TRIM22: variants seen among roughly 807,000 people sequenced by gnomAD.
TRIM22 encodes E3 ubiquitin-protein ligase TRIM22.
A neutral mutation model predicts 53.6 loss-of-function variants in TRIM22; 45 were observed. That is an observed-to-expected ratio of 0.84 (90% CI 0.66 to 1.08). The LOEUF (loss-of-function observed/expected upper bound fraction) is 1.08. Ranked by LOEUF, TRIM22 falls within the 50% of genes least tolerant of loss-of-function variation. The pLI is 0.00. For synonymous variants in TRIM22, 225 were observed against 216.6 expected (o/e 1.04, Z -0.34); for missense variants, 616 against 590.9 (o/e 1.04, Z -0.44).
chr11:5,704,270 G>A (rs898587975), intron 4 of TRIM22, among the ~76,000 whole-genome samples: 5 of 145,596 alleles, frequency 3.4e-5, no homozygotes, highest in African/African-American at 1.3e-4. Context: ...TTTCTTTATT[G>A]CACTTGATAA....
rs1853160276 is a variant in TRIM22, at chr11:5,690,756, A to G, written c.-67+857A>G. On this transcript the variant is annotated intron_variant, in intron 1 of 7. Transcript: ENST00000379965. ...AATTTTCTTTTATTCAGAGGCAGCA[A>G]ATTCCTTCCTCCTTTCTCCCGAAGA... Among the ~76,000 whole-genome samples the G allele has an allele frequency of 1.3e-5, 2 of 152,154 alleles. 1 individual carries two copies. Among genetic ancestry groups the G allele is most frequent in the South Asian group, 4.1e-4 (2 of 4,828 alleles).
rs555729975 is a variant in TRIM22, at chr11:5,695,881, T to C, written c.-66-286T>C. 1.8e-3 allele frequency among the ~76,000 whole-genome samples: 277 copies of C among 152,228 alleles called. 1 individual carries two copies. The highest frequency in any genetic ancestry group is 6.1e-3 in the African/African-American group (252 of 41,518). On this transcript the variant is annotated intron_variant, in intron 1 of 7. Transcript: ENST00000379965. ...AACAAAAGGCAGGACAAATGATGGGTTACACGAAGCTCTTGGTAGAAGAGC... is the reference window on the plus strand; with the variant it reads ...AACAAAAGGCAGGACAAATGATGGGCTACACGAAGCTCTTGGTAGAAGAGC...
rs752664155 is a variant in TRIM22, at chr11:5,696,295, C to T, written c.63C>T (p.Leu21=). Residue 21 remains leucine (L), a synonymous_variant, in exon 2 of 8, where the codon CTC becomes CTT. Coordinates refer to ENST00000379965, the MANE Select transcript of TRIM22 (RefSeq NM_006074.5). ...TGACCTGCCCCATCTGCCTGGAGCT[C>T]CTGACAGAACCTCTGAGCCTAGATT... ...KEVTCPICLE[L]LTEPLSLDCG... is the part of the protein sequence containing the mutation. 6.2e-7 allele frequency: 1 copy of T among 1,614,128 alleles called. No homozygotes were observed. The highest frequency in any genetic ancestry group is 8.5e-7 in the Non-Finnish European group (1 of 1,179,990).
Position 5,696,548 on chromosome 11 carries a change from A to T in TRIM22, c.316A>T (p.Ile106Phe), listed in dbSNP as rs780538907. Residue 106 changes from isoleucine to phenylalanine, a missense_variant, in exon 2 of 8, where the codon ATC (isoleucine) becomes TTC (phenylalanine). Coordinates refer to ENST00000379965, the MANE Select transcript of TRIM22 (RefSeq NM_006074.5). The part of the protein sequence containing the change: ...VCEHHGKKLQ[I>F]FCKEDGKVIC... ...TGAGCACCATGGAAAAAAACTCCAG[A>T]TCTTCTGTAAGGAGGATGGAAAAGT... 1.2e-6 allele frequency: 2 copies of T among 1,614,236 alleles called. No homozygotes were observed. The highest frequency in any genetic ancestry group is 1.7e-6 in the Non-Finnish European group (2 of 1,180,038).
chr11:5,691,084 T>C (rs1313192300), intron 1 of TRIM22: 1 of 152,294 alleles, frequency 6.6e-6, no homozygotes, highest in African/African-American at 2.4e-5. Flanking sequence ...TCTCTGAAGG[T>C]CCAGTCACAG....
At chr11:5,699,976 T>C (rs1201683169) in intron 4 of TRIM22, among the ~76,000 whole-genome samples, 1 of 152,068 alleles carries the variant, frequency 6.6e-6, no homozygotes, top group African/African-American at 2.4e-5. Flanking sequence ...TTTAATCTTG[T>C]ATATTGCAAC....
intron 4 of TRIM22, among the ~76,000 whole-genome samples, chr11:5,699,062 A>G (rs1350127298): frequency 6.6e-6 from 1 of 152,222 alleles, no homozygotes. Flanking sequence ...CTTATTGCTA[A>G]TACTATTCCA....
intron 1 of TRIM22, among the ~76,000 whole-genome samples, chr11:5,695,250 G>C (rs1307049132): frequency 1.3e-5 from 2 of 152,186 alleles, no homozygotes; most frequent in Non-Finnish European, 2.9e-5. Flanking sequence ...GTCCTTCTAA[G>C]AAGAGGACTT....
At chr11:5,698,115 C>G (rs1421268174) in intron 3 of TRIM22, 200 bp from the exon 4 acceptor site, 1 of 552,114 alleles carries the variant, frequency 1.8e-6, no homozygotes, top group African/African-American at 1.9e-5. Flanking sequence ...ATAAAACTGA[C>G]TTGAGTGTAT....
chr11:5,692,105 G>A (rs1234989113), intron 1 of TRIM22, among the ~76,000 whole-genome samples: 1 of 152,160 alleles, frequency 6.6e-6, no homozygotes. Context: ...TAGGGAAAAG[G>A]AAGTAAACAC....
rs762129848 is a variant in TRIM22, at chr11:5,698,447, G to A, written c.652G>A (p.Ala218Thr). Residue 218 changes from alanine (A) to threonine (T), a missense_variant, in exon 4 of 8, where the codon GCA (alanine) becomes ACA (threonine). Ala to Thr is a moderately conservative substitution (Grantham distance 58). Transcript: ENST00000379965. ...GGTGAATGTGCTGGATAACCTGGCA[G>A]CAGCTACAGACCAGCTGGTCCAGCA... ...GEVNVLDNLA[A>T]ATDQLVQQRQ... 6.2e-7 allele frequency: 1 copy of A among 1,614,176 alleles called. No homozygotes were observed. The highest frequency in any genetic ancestry group is 8.5e-7 in the Non-Finnish European group (1 of 1,180,026).
At position 5,709,410 on chromosome 11, in the gene TRIM22, C is replaced by T; in HGVS notation, c.1259C>T (p.Ala420Val). Reference sequence around the variant, plus strand: ...TTACAGAATACATGTGAATATAATGCTTTTGAGGACTCCTCCTCTTCTGAT... The same window carrying T: ...TTACAGAATACATGTGAATATAATGTTTTTGAGGACTCCTCCTCTTCTGAT... ...IGLQNTCEYNAFEDSSSSDPK... is the reference protein window; with the variant it reads ...IGLQNTCEYNVFEDSSSSDPK... Residue 420 changes from alanine (A) to valine (V), a missense_variant, in exon 8 of 8, where the codon GCT (alanine) becomes GTT (valine). Physicochemically the swap from Ala to Val is moderately conservative, Grantham distance 64. Transcript: ENST00000379965. 1 of 1,614,152 alleles carries T rather than the reference C, an allele frequency of 6.2e-7. No individual in the cohort carries two copies. The highest frequency in any genetic ancestry group is 8.5e-7 in the Non-Finnish European group (1 of 1,180,014).
In TRIM22 at chr11:5,709,073, GGC is replaced by G; in HGVS notation, c.923_924del (p.Gly308GlufsTer24). 1 of 1,613,292 alleles carries G rather than the reference GGC, an allele frequency of 6.2e-7. No homozygotes were observed. The highest frequency in any genetic ancestry group is 1.1e-5 in the South Asian group (1 of 91,074). ...TACAGTGGACGTGATGCTGAATCCA[GGC>G]AGTGCCACTTCGAATGTTGCTATTT... The part of the protein sequence containing the change: ...YYWVDVMLNP[G>X]SATSNVAISV... On this transcript the variant is annotated frameshift_variant, in exon 8 of 8. Transcript: ENST00000379965. LOFTEE classifies it high-confidence loss of function.
At chr11:5,702,765 G>T (rs1590318043) in intron 4 of TRIM22, among the ~76,000 whole-genome samples, 1 of 152,160 alleles carries the variant, frequency 6.6e-6, no homozygotes, top group East Asian at 1.9e-4. Context: ...CTTTTTCAGT[G>T]CTCTTTCTCT....
At chr11:5,699,041 A>G (rs1590315142) in intron 4 of TRIM22, among the ~76,000 whole-genome samples, 1 of 152,234 alleles carries the variant, frequency 6.6e-6, no homozygotes, top group East Asian at 1.9e-4. Context: ...AGTATGTATC[A>G]GCATTTTGCT....
intron 4 of TRIM22, among the ~76,000 whole-genome samples, chr11:5,702,325 T>C (rs1853387598): frequency 6.9e-6 from 1 of 145,270 alleles, no homozygotes; most frequent in East Asian, 2.0e-4. Context: ...ATAATATAAC[T>C]AATATAACTA....
chr11:5,699,301 G>A (rs1428074282), intron 4 of TRIM22, among the ~76,000 whole-genome samples: 2 of 127,836 alleles, frequency 1.6e-5, no homozygotes, highest in Admixed American at 1.5e-4. Context: ...GAGGCGGGTG[G>A]ATCATGAGGT....
chr11:5,697,966 G>A (rs539473336), intron 3 of TRIM22: 4 of 229,438 alleles, frequency 1.7e-5, no homozygotes, highest in Admixed American at 9.8e-5. Flanking sequence ...GCCTCCCAAA[G>A]TGCTGGGATT....
rs202005097 is a variant in TRIM22, at chr11:5,709,388, C to G, written c.1237C>G (p.Gln413Glu). Residue 413 changes from glutamine to glutamate, a missense_variant, in exon 8 of 8, where the codon CAG becomes GAG. By Grantham distance (29) the Gln-to-Glu change is conservative. Transcript: ENST00000379965. ...PQYGYWVIGLQNTCEYNAFED... is the reference protein window; with the variant it reads ...PQYGYWVIGLENTCEYNAFED... ...ATATGGCTACTGGGTTATAGGATTA[C>G]AGAATACATGTGAATATAATGCTTT... The G allele has an allele frequency of 1.5e-5, 24 of 1,614,060 alleles. No individual in the cohort carries two copies. Among genetic ancestry groups the G allele is most frequent in the Non-Finnish European group, 1.9e-5 (23 of 1,180,036 alleles).
Sources: gnomAD v4.1 joint callset for allele counts (sites outside exome capture counted in the v4.1 genomes callset) on GRCh38, gnomAD v4.1.1 for gene constraint, MANE v1.5 for transcripts, NCBI Gene and HGNC (gene_info 2026-07-23, HGNC 2026-07-21) for gene names.